Variants in CDK5RAP2 observed in about 807,000 individuals in gnomAD.
CDK5RAP2 encodes CDK5 regulatory subunit-associated protein 2.
CDK5RAP2 carries 147 observed loss-of-function variants against 232.9 expected under a neutral mutation model. The observed-to-expected ratio is 0.63, with a 90% CI of 0.55 to 0.72. The LOEUF (loss-of-function observed/expected upper bound fraction) is 0.72, where lower values mean the gene tolerates loss of function less well. CDK5RAP2 is among the 30% of genes least tolerant of loss of function. The probability of loss-of-function intolerance (pLI) is 0.00; values close to 1 mark genes in which losing one functional copy is unlikely to be tolerated. For synonymous variants in CDK5RAP2, 833 were observed against 833.7 expected (o/e 1.00, Z 0.01); for missense variants, 2,195 against 2,231.5 (o/e 0.98, Z 0.33).
At chr9:120,439,315 C>A in intron 24 of CDK5RAP2, 84 bp downstream of exon 24, 2 of 1,159,786 alleles carry the variant, frequency 1.7e-6, no homozygotes, top group Non-Finnish European at 2.6e-6. Context: ...GAGTAGTGTT[C>A]TCTTTTAGCT....
At chr9:120,454,044 A>T (rs1322640645) in intron 20 of CDK5RAP2, among the ~76,000 whole-genome samples, 171 bp from the exon 21 acceptor site, 2 of 152,200 alleles carry the variant, frequency 1.3e-5, no homozygotes, top group Non-Finnish European at 2.9e-5. Flanking sequence ...TATCCTGTGT[A>T]ACCTCACGGC....
intron 12 of CDK5RAP2, among the ~76,000 whole-genome samples, chr9:120,518,210 T>TGTGAGAGA (rs1554770753): frequency 9.1e-5 from 4 of 43,920 alleles, no homozygotes; most frequent in Admixed American, 2.3e-4. Context: ...TGTGTGTGTG[T>TGTGAGAGA]GAGAGAGAGA....
intron 9 of CDK5RAP2, among the ~76,000 whole-genome samples, chr9:120,528,156 G>T (rs568472334): frequency 6.6e-6 from 1 of 152,200 alleles, no homozygotes; most frequent in African/African-American, 2.4e-5. Flanking sequence ...CAGTTGAGAC[G>T]ATGACAGCTA....
At chr9:120,552,845 T>TA (rs879718096) in intron 3 of CDK5RAP2, among the ~76,000 whole-genome samples, 143 of 143,186 alleles carry the variant, frequency 1.0e-3, no homozygotes, top group Non-Finnish European at 1.6e-3. Flanking sequence ...AAGTTTAATT[T>TA]AAAAAAAAAA....
intron 28 of CDK5RAP2, among the ~76,000 whole-genome samples, chr9:120,413,220 C>A (rs10984907): frequency 6.6e-6 from 1 of 152,260 alleles, no homozygotes; most frequent in East Asian, 1.9e-4. Context: ...AGTTCCTGAC[C>A]GACCTAAACC....
intron 21 of CDK5RAP2, among the ~76,000 whole-genome samples, chr9:120,450,298 G>C (rs905929365): frequency 6.6e-6 from 1 of 152,200 alleles, no homozygotes; most frequent in Non-Finnish European, 1.5e-5. Flanking sequence ...AAATAATCCA[G>C]AATAGGCAAA....
intron 36 of CDK5RAP2, among the ~76,000 whole-genome samples, chr9:120,390,916 C>T (rs574941689): frequency 1.6e-4 from 25 of 152,260 alleles, no homozygotes; most frequent in South Asian, 6.2e-4. Context: ...ACACTGGGGA[C>T]GGGACAGACG....
At chr9:120,480,576 T>A (rs966106664) in intron 14 of CDK5RAP2, among the ~76,000 whole-genome samples, 9 of 151,842 alleles carry the variant, frequency 5.9e-5, no homozygotes. Context: ...TTCCATAGCA[T>A]AATTTTTTTA....
chr9:120,482,744 G>T (rs1390307226), intron 14 of CDK5RAP2, among the ~76,000 whole-genome samples: 2 of 152,202 alleles, frequency 1.3e-5, no homozygotes, highest in Non-Finnish European at 2.9e-5. Flanking sequence ...GATTAAGTAG[G>T]TAAGAGGGGA....
At chr9:120,469,723 A>T (rs2037583273) in intron 17 of CDK5RAP2, among the ~76,000 whole-genome samples, 1 of 152,228 alleles carries the variant, frequency 6.6e-6, no homozygotes, top group South Asian at 2.1e-4. Flanking sequence ...ATAATCACTA[A>T]GTTTAAGATG....
intron 29 of CDK5RAP2, among the ~76,000 whole-genome samples, chr9:120,410,776 G>A (rs965854987): frequency 6.6e-6 from 1 of 152,188 alleles, no homozygotes; most frequent in Admixed American, 6.5e-5. Context: ...TGTGACCACA[G>A]GCCAGGCAAT....
intron 6 of CDK5RAP2, 131 bp from the exon 7 acceptor site, chr9:120,536,657 T>C (rs2041404184): frequency 2.3e-6 from 2 of 881,876 alleles, no homozygotes; most frequent in East Asian, 2.6e-5. Context: ...AATTGTACTA[T>C]ACATGGAGAG....
At chr9:120,529,697 A>G (rs1260913118) in intron 8 of CDK5RAP2, among the ~76,000 whole-genome samples, 7 of 152,196 alleles carry the variant, frequency 4.6e-5, no homozygotes, top group Non-Finnish European at 1.0e-4. Flanking sequence ...GGATGAAAAT[A>G]AAGTCCCCAG....
intron 2 of CDK5RAP2, among the ~76,000 whole-genome samples, chr9:120,568,901 G>A (rs112881303): frequency 1.3e-5 from 2 of 152,270 alleles, no homozygotes; most frequent in African/African-American, 4.8e-5. Flanking sequence ...TAAACAAAGT[G>A]GTTGTGTTCC....
At position 120,580,011 on chromosome 9, in the gene CDK5RAP2, T is replaced by C. The variant is rs1564400773; in HGVS notation, c.-33A>G. ...GAGGTGGCGACAGCGTTGGTGTCTG[T>C]GGCGGCGGCGCCACTAGTACCCCCC... is the stretch of plus-strand genomic sequence containing the variant. On this transcript the variant is annotated 5_prime_UTR_variant, in exon 1 of 38. Transcript: ENST00000349780. 2 of 1,489,144 alleles carry C rather than the reference T, an allele frequency of 1.3e-6. No individual in the cohort carries two copies. Among genetic ancestry groups the C allele is most frequent in the Non-Finnish European group, 1.9e-6 (2 of 1,069,694 alleles). The allele number at this position is 1,489,144 out of a possible 1,614,324, so 92.2% of individuals were successfully genotyped here. A position where few individuals can be genotyped will look rare whatever the true frequency, so the allele number is the denominator to read the frequency against.
intron 22 of CDK5RAP2, among the ~76,000 whole-genome samples, chr9:120,444,323 A>G (rs988524274): frequency 2.0e-5 from 3 of 152,228 alleles, no homozygotes; most frequent in Non-Finnish European, 2.9e-5. Context: ...GCCTCTGTTG[A>G]GCTGAGTTAC....
At chr9:120,428,381 GA>G in intron 25 of CDK5RAP2, among the ~76,000 whole-genome samples, 1 of 152,150 alleles carries the variant, frequency 6.6e-6, no homozygotes, top group African/African-American at 2.4e-5. Flanking sequence ...AAGAAAAAAA[GA>G]GAGAAGAATC....
At chr9:120,523,546 C>T (rs1172253042) in intron 11 of CDK5RAP2, among the ~76,000 whole-genome samples, 1 of 152,202 alleles carries the variant, frequency 6.6e-6, no homozygotes, top group East Asian at 1.9e-4. Flanking sequence ...TCCTAGCGTA[C>T]CATGATTTAA....
At chr9:120,390,085 C>A (rs1270735529) in intron 36 of CDK5RAP2, 1 of 363,276 alleles carries the variant, frequency 2.8e-6, no homozygotes, top group Non-Finnish European at 5.3e-6. Context: ...CAGCTGTGCA[C>A]GGCCACCTGG....
Sources: gnomAD v4.1 joint callset for allele counts (sites outside exome capture counted in the v4.1 genomes callset) on GRCh38, gnomAD v4.1.1 for gene constraint, MANE v1.5 for transcripts, NCBI Gene and HGNC (gene_info 2026-07-23, HGNC 2026-07-21) for gene names.